Variants in ATP8A2 observed in about 807,000 individuals in gnomAD.
ATP8A2 encodes ATPase phospholipid transporting 8A2, also known as phospholipid-transporting ATPase IB.
A neutral mutation model predicts 165.6 loss-of-function variants in ATP8A2; 100 were observed. The observed-to-expected ratio is 0.60, with a 90% CI of 0.51 to 0.71. The LOEUF is 0.71. Ranked by LOEUF, ATP8A2 falls within the 30% of genes least tolerant of loss-of-function variation. The pLI, the probability that ATP8A2 is intolerant of heterozygous loss-of-function variation, is 0.00. For synonymous variants in ATP8A2, 543 were observed against 548.8 expected, an observed-to-expected ratio of 0.99 and a Z score of 0.15; for missense variants, 1,227 against 1,479.5, an observed-to-expected ratio of 0.83 and a Z score of 2.80.
In ATP8A2 at chr13:25,372,652, G is replaced by T. The variant is rs1355587723; in HGVS notation, c.76+364G>T. On this transcript the variant is annotated intron_variant, in intron 1 of 36. Transcript: ENST00000381655. This position sits in a 1 kb window ranked among gnomAD's most constrained non-coding sequence, Gnocchi z 4.8. ...CTAGGCGGCAGTCACCGCGATGGTGGGCACGGTTTGGCGGCGCAGAGAAGA... is the reference window on the plus strand; with the variant it reads ...CTAGGCGGCAGTCACCGCGATGGTGTGCACGGTTTGGCGGCGCAGAGAAGA... 6.6e-6 allele frequency among the ~76,000 whole-genome samples: 1 copy of T among 152,194 alleles called. No individual in the cohort carries two copies. Among genetic ancestry groups the T allele is most frequent in the Non-Finnish European group, 1.5e-5 (1 of 68,024 alleles).
intron 23 of ATP8A2, among the ~76,000 whole-genome samples, chr13:25,588,737 G>A (rs926742912): frequency 3.3e-5 from 5 of 152,244 alleles, no homozygotes; most frequent in African/African-American, 1.2e-4. Context: ...GAGAGAGATT[G>A]AGTTGGGCGT....
intron 1 of ATP8A2, among the ~76,000 whole-genome samples, chr13:25,386,967 A>T: frequency 1.0e-5 from 1 of 98,960 alleles, no homozygotes; most frequent in Non-Finnish European, 2.7e-5. Context: ...CTTGCACTCC[A>T]GCCTGGGCGT....
intron 6 of ATP8A2, among the ~76,000 whole-genome samples, chr13:25,533,995 A>G (rs2038198961): frequency 6.6e-6 from 1 of 152,236 alleles, no homozygotes; most frequent in African/African-American, 2.4e-5. Context: ...TTCAAAGCCG[A>G]TTAACATGAT....
intron 24 of ATP8A2, among the ~76,000 whole-genome samples, chr13:25,615,013 G>A (rs1430617293): frequency 6.6e-6 from 1 of 152,222 alleles, no homozygotes; most frequent in African/African-American, 2.4e-5. Context: ...ATCGGCTTTG[G>A]TAGTATAGGG....
At chr13:25,980,953 GAATTTATGATATGTGTTCA>G (rs1956161252) in intron 35 of ATP8A2, among the ~76,000 whole-genome samples, 1 of 152,166 alleles carries the variant, frequency 6.6e-6, no homozygotes, top group African/African-American at 2.4e-5. Flanking sequence ...TTATTAGTAT[GAATTTATGATATGTGTTCA>G]AATTAAGACA....
At chr13:25,978,037 A>G (rs1454475724) in intron 35 of ATP8A2, among the ~76,000 whole-genome samples, 2 of 152,130 alleles carry the variant, frequency 1.3e-5, no homozygotes, top group Non-Finnish European at 2.9e-5. Flanking sequence ...TTCAAGAACC[A>G]TTTTTACTGA....
chr13:25,476,424 G>C (rs118146436), intron 2 of ATP8A2, among the ~76,000 whole-genome samples: 1 of 151,892 alleles, frequency 6.6e-6, no homozygotes, highest in Non-Finnish European at 1.5e-5. Flanking sequence ...GAGTAGCTGC[G>C]ATTACAGGCA....
At chr13:25,851,411 C>T (rs1317728771) in intron 30 of ATP8A2, among the ~76,000 whole-genome samples, 3 of 151,984 alleles carry the variant, frequency 2.0e-5, no homozygotes, top group Non-Finnish European at 2.9e-5. Flanking sequence ...GTGAAACCCC[C>T]GTCTCTGCTA....
chr13:25,595,364 A>C (rs989676586), intron 24 of ATP8A2, among the ~76,000 whole-genome samples: 2 of 152,182 alleles, frequency 1.3e-5, no homozygotes, highest in East Asian at 3.9e-4. Flanking sequence ...ATCAGATAAA[A>C]TTCATTAATG....
intron 1 of ATP8A2, among the ~76,000 whole-genome samples, chr13:25,440,822 A>G (rs2034912967): frequency 6.6e-6 from 1 of 152,204 alleles, no homozygotes; most frequent in African/African-American, 2.4e-5. Context: ...CACAGCCTAG[A>G]TGATTATTTA....
chr13:25,831,010 A>C (rs1951449705), intron 28 of ATP8A2, among the ~76,000 whole-genome samples: 1 of 152,146 alleles, frequency 6.6e-6, no homozygotes, highest in South Asian at 2.1e-4. Flanking sequence ...CAACTTTTCC[A>C]GTCCAGGATC....
intron 24 of ATP8A2, among the ~76,000 whole-genome samples, chr13:25,639,041 C>T (rs957423290): frequency 1.3e-5 from 2 of 152,120 alleles, no homozygotes; most frequent in Non-Finnish European, 2.9e-5. Flanking sequence ...AAATCCTTTA[C>T]ACACAAGCAA....
chr13:25,660,901 G>A (rs1025425274), intron 24 of ATP8A2, among the ~76,000 whole-genome samples: 3 of 152,172 alleles, frequency 2.0e-5, no homozygotes, highest in Admixed American at 6.5e-5. Context: ...AAAACCAAAA[G>A]TGAGTGCCAA....
intron 27 of ATP8A2, among the ~76,000 whole-genome samples, chr13:25,813,028 C>T (rs1950917168): frequency 1.3e-5 from 2 of 151,882 alleles, no homozygotes; most frequent in African/African-American, 4.8e-5. Flanking sequence ...AACACATAGA[C>T]ACAGGGAGGG....
Position 25,570,797 on chromosome 13 carries a change from A to C in ATP8A2, c.1504A>C (p.Thr502Pro). 1 of 1,613,580 alleles carries C rather than the reference A, an allele frequency of 6.2e-7. No individual in the cohort carries two copies. Among genetic ancestry groups the C allele is most frequent in the Non-Finnish European group, 8.5e-7 (1 of 1,179,702 alleles). ...PTAPCIQEFL[T>P]LLAVCHTVVP... ...AGCCCCTTGCATTCAGGAGTTCCTC[A>C]CCCTTCTGGCCGTGTGCCACACGGT... Residue 502 changes from threonine (T) to proline (P), a missense_variant, in exon 17 of 37, where the codon ACC becomes CCC. Coordinates refer to ENST00000381655, the MANE Select transcript of ATP8A2 (RefSeq NM_016529.6).
intron 19 of ATP8A2, 84 bp from the exon 20 acceptor site, chr13:25,576,985 C>A (rs1457830703): frequency 7.4e-6 from 8 of 1,081,020 alleles, no homozygotes; most frequent in African/African-American, 1.6e-5. Context: ...CCCCAGACCC[C>A]CTTTTGTTTT....
intron 1 of ATP8A2, among the ~76,000 whole-genome samples, chr13:25,374,595 C>G (rs1270754349): frequency 6.6e-6 from 1 of 151,940 alleles, no homozygotes; most frequent in East Asian, 1.9e-4. Flanking sequence ...GAAGCAGGGT[C>G]CTCCTGGCAG....
intron 33 of ATP8A2, among the ~76,000 whole-genome samples, chr13:25,909,626 T>C (rs779992305): frequency 6.6e-6 from 1 of 152,198 alleles, no homozygotes; most frequent in Non-Finnish European, 1.5e-5. Context: ...AATTATGAGT[T>C]CCCAGAATAA....
At chr13:25,572,532 C>G (rs2039497539) in intron 18 of ATP8A2, among the ~76,000 whole-genome samples, 1 of 152,092 alleles carries the variant, frequency 6.6e-6, no homozygotes, top group Admixed American at 6.6e-5. Context: ...ACCTACAGGC[C>G]AAAGGGAGAA....
Sources: allele counts gnomAD v4.1 joint callset (sites outside exome capture counted in the v4.1 genomes callset), GRCh38; gene constraint gnomAD v4.1.1; non-coding constraint Gnocchi (gnomAD v3.1); transcripts MANE v1.5; gene names NCBI Gene and HGNC (gene_info 2026-07-23, HGNC 2026-07-21).